The following HS3ST4 variants were observed in gnomAD, a reference collection of about 807,000 sequenced individuals.
HS3ST4 encodes heparan sulfate glucosamine 3-O-sulfotransferase 4.
HS3ST4 carries 17 observed loss-of-function variants against 29.2 expected under a neutral mutation model. The observed-to-expected ratio is 0.58, with a 90% CI of 0.40 to 0.87. The LOEUF is 0.87. Ranked by LOEUF, HS3ST4 falls within the 40% of genes least tolerant of loss-of-function variation. The pLI is 0.00. For missense variants in HS3ST4, 627 were observed against 634.5 expected (o/e 0.99, Z 0.13); for synonymous variants, 314 against 285.7 (o/e 1.10, Z -1.00).
chr16:25,759,461 C>T (rs533397713), intron 1 of HS3ST4, among the ~76,000 whole-genome samples: 1 of 152,292 alleles, frequency 6.6e-6, no homozygotes, highest in Admixed American at 6.5e-5. Flanking sequence ...GAAATGACCA[C>T]ACATACCATG....
Position 25,692,613 on chromosome 16 carries a change from C to A in HS3ST4, c.196C>A (p.Gln66Lys). 7.2e-7 allele frequency: 1 copy of A among 1,381,588 alleles called. No individual in the cohort carries two copies. Among genetic ancestry groups the A allele is most frequent in the Non-Finnish European group, 9.5e-7 (1 of 1,057,302 alleles). The allele number at this position is 1,381,588 out of a possible 1,614,324, so 85.6% of individuals were successfully genotyped here. Residue 66 changes from glutamine (Q) to lysine (K), a missense_variant, in exon 1 of 2, where the codon CAG (glutamine) becomes AAG (lysine). Transcript: ENST00000331351. ...SGSLQFPLAL[Q>K]ESPGAAAEPP... ...CTCCCTGCAATTCCCTCTGGCGCTGCAGGAGTCGCCGGGCGCCGCCGCCGA... is the reference window on the plus strand; with the variant it reads ...CTCCCTGCAATTCCCTCTGGCGCTGAAGGAGTCGCCGGGCGCCGCCGCCGA...
In HS3ST4 at chr16:25,874,604, CATCT is replaced by C. The variant is rs542749456; in HGVS notation, c.734+181454_734+181457del. 1.9e-3 allele frequency among the ~76,000 whole-genome samples: 290 copies of C among 152,274 alleles called. 1 individual carries two copies. The highest frequency in any genetic ancestry group is 6.8e-3 in the Middle Eastern group (2 of 294). ...CCATACATCAACTCATCCAGCTATC[CATCT>C]GTTTACCTATCCACTCTTCCATCCA... On this transcript the variant is annotated intron_variant, in intron 1 of 1. Coordinates refer to ENST00000331351, the MANE Select transcript of HS3ST4 (RefSeq NM_006040.3).
chr16:26,121,301 G>C (rs1168716179), intron 1 of HS3ST4, among the ~76,000 whole-genome samples: 2 of 152,164 alleles, frequency 1.3e-5, no homozygotes, highest in African/African-American at 4.8e-5. Flanking sequence ...TTCTGGACAT[G>C]CGACTAGTGG....
At position 25,930,039 on chromosome 16, in the gene HS3ST4, G is replaced by A. The variant is rs138122357; in HGVS notation, c.735-205573G>A. Among the ~76,000 whole-genome samples, 417 of 152,246 alleles carry A rather than the reference G, an allele frequency of 2.7e-3. 1 individual carries two copies. Among genetic ancestry groups the A allele is most frequent in the African/African-American group, 9.4e-3 (390 of 41,554 alleles). The stretch of plus-strand genomic sequence containing the variant: ...CTCATCATTTAGCTCCCACTTATAA[G>A]TGAGAACATGTTGTATTTTGGTTCT... On this transcript the variant is annotated intron_variant, in intron 1 of 1. Coordinates refer to ENST00000331351, the MANE Select transcript of HS3ST4 (RefSeq NM_006040.3).
At chr16:25,845,652 A>AATAATAATG (rs1967458949) in intron 1 of HS3ST4, among the ~76,000 whole-genome samples, 1 of 78,338 alleles carries the variant, frequency 1.3e-5, no homozygotes, top group Non-Finnish European at 3.0e-5. Context: ...AGCATGTAAT[A>AATAATAATG]ATAATAATAA....
intron 1 of HS3ST4, among the ~76,000 whole-genome samples, chr16:26,079,967 CA>C (rs1189571286): frequency 6.6e-6 from 1 of 151,982 alleles, no homozygotes; most frequent in Non-Finnish European, 1.5e-5. Context: ...ATAACTCTAC[CA>C]AAAAAAGAGG....
chr16:25,826,080 C>G (rs1295967654), intron 1 of HS3ST4: 1 of 152,204 alleles, frequency 6.6e-6, no homozygotes, highest in South Asian at 2.1e-4. Flanking sequence ...TCCAATATGA[C>G]AAACTTGAGG....
At chr16:25,764,310 C>G (rs763911387) in intron 1 of HS3ST4, among the ~76,000 whole-genome samples, 17 of 152,156 alleles carry the variant, frequency 1.1e-4, no homozygotes, top group African/African-American at 3.4e-4. Context: ...TGCACCTACT[C>G]TAGGGCAGAC....
At chr16:26,080,571 A>T (rs939893999) in intron 1 of HS3ST4, among the ~76,000 whole-genome samples, 12 of 152,174 alleles carry the variant, frequency 7.9e-5, no homozygotes, top group Non-Finnish European at 1.6e-4. Flanking sequence ...ACTATCAAGC[A>T]GGTCACCAGT....
intron 1 of HS3ST4, among the ~76,000 whole-genome samples, chr16:25,772,712 T>G (rs1966844030): frequency 6.6e-6 from 1 of 152,180 alleles, no homozygotes; most frequent in African/African-American, 2.4e-5. Flanking sequence ...CTTTGAAAAG[T>G]GAGAGACATT....
At chr16:25,896,289 C>T (rs933581181) in intron 1 of HS3ST4, among the ~76,000 whole-genome samples, 1 of 152,166 alleles carries the variant, frequency 6.6e-6, no homozygotes, top group Non-Finnish European at 1.5e-5. Flanking sequence ...CTTCAACCCT[C>T]ATTTTGCTTA....
At chr16:25,794,219 A>T (rs1250506753) in intron 1 of HS3ST4, among the ~76,000 whole-genome samples, 1 of 152,102 alleles carries the variant, frequency 6.6e-6, no homozygotes, top group Non-Finnish European at 1.5e-5. Flanking sequence ...TTGCATGATC[A>T]TTGTCATGCA....
chr16:25,827,794 T>G (rs527954529), intron 1 of HS3ST4, among the ~76,000 whole-genome samples: 1 of 152,136 alleles, frequency 6.6e-6, no homozygotes, highest in Non-Finnish European at 1.5e-5. Context: ...ATGTGCCAGA[T>G]TGATTTGTGA....
intron 1 of HS3ST4, among the ~76,000 whole-genome samples, chr16:26,014,456 G>A (rs775288015): frequency 2.0e-4 from 31 of 152,144 alleles, no homozygotes; most frequent in Non-Finnish European, 3.8e-4. Flanking sequence ...TATAAGCATA[G>A]TACCCTATAG....
At chr16:25,747,913 A>G (rs1252198498) in intron 1 of HS3ST4, among the ~76,000 whole-genome samples, 1 of 152,204 alleles carries the variant, frequency 6.6e-6, no homozygotes, top group Non-Finnish European at 1.5e-5. Context: ...TCATCTGGCA[A>G]GCAGGTGTGT....
intron 1 of HS3ST4, among the ~76,000 whole-genome samples, chr16:25,878,432 A>G (rs1480592858): frequency 6.6e-6 from 1 of 152,222 alleles, no homozygotes; most frequent in Non-Finnish European, 1.5e-5. Context: ...AGTATCTATC[A>G]GAATGGTACC....
chr16:26,007,669 T>G (rs1969270407), intron 1 of HS3ST4, among the ~76,000 whole-genome samples: 1 of 152,200 alleles, frequency 6.6e-6, no homozygotes, highest in African/African-American at 2.4e-5. Flanking sequence ...CTTCCTGATT[T>G]GTGCTTTCAG....
At chr16:25,707,227 A>C (rs566569796) in intron 1 of HS3ST4, among the ~76,000 whole-genome samples, 132 of 152,296 alleles carry the variant, frequency 8.7e-4, no homozygotes, top group African/African-American at 3.1e-3. Flanking sequence ...GAACCCATGA[A>C]GTGCTTCTTT....
At chr16:25,837,085 G>T (rs1165879775) in intron 1 of HS3ST4, among the ~76,000 whole-genome samples, 2 of 152,238 alleles carry the variant, frequency 1.3e-5, no homozygotes, top group African/African-American at 4.8e-5. Context: ...GCAGTTCATG[G>T]ATGATTTCCA....
Sources: gnomAD v4.1 joint callset for allele counts (sites outside exome capture counted in the v4.1 genomes callset) on GRCh38, gnomAD v4.1.1 for gene constraint, MANE v1.5 for transcripts, NCBI Gene and HGNC (gene_info 2026-07-23, HGNC 2026-07-21) for gene names.